The following TNKS variants were observed in gnomAD, a reference collection of about 807,000 sequenced individuals.
TNKS encodes poly [ADP-ribose] polymerase tankyrase-1.
TNKS carries 72 observed loss-of-function variants against 135.8 expected under a neutral mutation model. That is an observed-to-expected ratio of 0.53 (90% CI 0.44 to 0.64). TNKS has a LOEUF of 0.64. Ranked by LOEUF, TNKS falls within the 30% of genes least tolerant of loss-of-function variation. The pLI, the probability that TNKS is intolerant of heterozygous loss-of-function variation, is 0.00. For synonymous variants in TNKS, 849 were observed against 649.3 expected (o/e 1.31, Z -4.68); for missense variants, 1,769 against 1,674.0 (o/e 1.06, Z -0.99).
intron 9 of TNKS, among the ~76,000 whole-genome samples, 163 bp from the exon 10 acceptor site, chr8:9,709,792 A>G (rs1804230635): frequency 6.6e-6 from 1 of 152,248 alleles, no homozygotes; most frequent in South Asian, 2.1e-4. Flanking sequence ...TTTCCACTAT[A>G]CGTAGAAAGA....
In TNKS at chr8:9,752,407, G is replaced by T. The variant is rs114548044; in HGVS notation, c.3071-137G>T. 1.2e-3 allele frequency: 735 copies of T among 596,466 alleles called. 5 individuals are homozygous for T. Among genetic ancestry groups the T allele is most frequent in the African/African-American group, 0.01 (556 of 53,144 alleles). 36.9% of individuals were successfully genotyped at this position (596,466 alleles called of 1,614,324 possible). On this transcript the variant is annotated intron_variant, in intron 19 of 26. Coordinates refer to ENST00000310430, the MANE Select transcript of TNKS (RefSeq NM_003747.3). Reference sequence around the variant, plus strand: ...GAAATAAAGTGTCTAAATTAAATCTGTGTATTCTGTATTATTTTATGCCAT... The same window carrying T: ...GAAATAAAGTGTCTAAATTAAATCTTTGTATTCTGTATTATTTTATGCCAT...
Position 9,615,157 on chromosome 8 carries a change from T to G in TNKS, c.899-425T>G, listed in dbSNP as rs533309409. Reference sequence around the variant, plus strand: ...AAGGCTTGCACAGTATTATAACTATTCTGAGGAGAGGAGGCATTTGGAAAT... The same window carrying G: ...AAGGCTTGCACAGTATTATAACTATGCTGAGGAGAGGAGGCATTTGGAAAT... On this transcript the variant is annotated intron_variant, in intron 2 of 26. Transcript: ENST00000310430. The G allele has an allele frequency of 8.3e-4, 132 of 159,618 alleles. 1 individual carries two copies. In the Middle Eastern group the frequency reaches 0.028, roughly 34 times the overall value. The allele number at this position is 159,618 out of a possible 1,614,324, so 9.9% of individuals were successfully genotyped here.
chr8:9,623,430 C>G (rs1799939563), intron 3 of TNKS, among the ~76,000 whole-genome samples: 1 of 40,166 alleles, frequency 2.5e-5, no homozygotes, highest in Non-Finnish European at 5.0e-5. Context: ...TAAAGTGAAA[C>G]ACACTTTTTT....
intron 5 of TNKS, among the ~76,000 whole-genome samples, chr8:9,700,562 A>G (rs1803746448): frequency 6.6e-6 from 1 of 151,752 alleles, no homozygotes; most frequent in African/African-American, 2.4e-5. Context: ...CAGTAAACCC[A>G]GACCTCACAT....
intron 3 of TNKS, among the ~76,000 whole-genome samples, chr8:9,654,181 A>G (rs1801255478): frequency 6.6e-6 from 1 of 152,224 alleles, no homozygotes; most frequent in Non-Finnish European, 1.5e-5. Context: ...TGGGAACTGC[A>G]CCAGAATCAC....
At chr8:9,704,807 C>T (rs1188041890) in intron 6 of TNKS, 50 bp downstream of exon 6, 1 of 1,458,532 alleles carries the variant, frequency 6.9e-7, no homozygotes, top group African/African-American at 1.4e-5. Context: ...TTGTCTGATA[C>T]TCTAAACTTT....
At chr8:9,644,675 C>G (rs1167961258) in intron 3 of TNKS, among the ~76,000 whole-genome samples, 1 of 152,112 alleles carries the variant, frequency 6.6e-6, no homozygotes, top group Non-Finnish European at 1.5e-5. Flanking sequence ...CACAACAGCA[C>G]CTTCAGGAGC....
intron 1 of TNKS, among the ~76,000 whole-genome samples, chr8:9,569,015 T>C (rs748790804): frequency 6.6e-6 from 1 of 152,224 alleles, no homozygotes; most frequent in Non-Finnish European, 1.5e-5. Flanking sequence ...TTGACACATT[T>C]TACTTTGTAA....
At chr8:9,676,349 T>G (rs1374969499) in intron 3 of TNKS, among the ~76,000 whole-genome samples, 2 of 152,134 alleles carry the variant, frequency 1.3e-5, no homozygotes, top group Non-Finnish European at 2.9e-5. Flanking sequence ...CTTTAAGAAT[T>G]TGTGGTTCTA....
At chr8:9,770,780 G>A (rs1377680834) in intron 26 of TNKS, among the ~76,000 whole-genome samples, 1 of 152,188 alleles carries the variant, frequency 6.6e-6, no homozygotes, top group Non-Finnish European at 1.5e-5. Flanking sequence ...CATGGGCAGG[G>A]TAGGGAATGC....
At chr8:9,663,262 A>C (rs557176199) in intron 3 of TNKS, among the ~76,000 whole-genome samples, 1 of 152,366 alleles carries the variant, frequency 6.6e-6, no homozygotes, top group East Asian at 1.9e-4. Context: ...ATTGTGTTAC[A>C]ATAACAATAG....
intron 11 of TNKS, among the ~76,000 whole-genome samples, chr8:9,717,056 T>C: frequency 7.7e-6 from 1 of 129,208 alleles, no homozygotes; most frequent in South Asian, 2.6e-4. Flanking sequence ...CCACCAAAGA[T>C]AATCTGTTGT....
intron 3 of TNKS, among the ~76,000 whole-genome samples, chr8:9,655,505 C>G (rs1172913829): frequency 6.6e-6 from 1 of 152,218 alleles, no homozygotes; most frequent in Non-Finnish European, 1.5e-5. Flanking sequence ...TAGGGGCGCA[C>G]TGACACTTCA....
rs1442773541 is a variant in TNKS at position 9,740,866 on chromosome 8, G to A, written c.2643+5380G>A. On this transcript the variant is annotated intron_variant, in intron 17 of 26. Coordinates refer to ENST00000310430, the MANE Select transcript of TNKS (RefSeq NM_003747.3). The stretch of plus-strand genomic sequence containing the variant: ...TTTTTTGAGAACAGGTCGGACTGCA[G>A]TGGCGCTATCTCAGCTCACTGCAAG... 1.3e-4 allele frequency: 16 copies of A among 122,128 alleles called. No homozygotes were observed. In the Admixed American group the frequency reaches 1.9e-3, roughly 14 times the overall value. 7.6% of individuals were successfully genotyped at this position (122,128 alleles called of 1,614,324 possible).
chr8:9,646,041 A>AGT, intron 3 of TNKS, among the ~76,000 whole-genome samples: 1 of 152,274 alleles, frequency 6.6e-6, no homozygotes, highest in South Asian at 2.1e-4. Context: ...CTAGACTAGT[A>AGT]GTATATTATA....
Position 9,603,391 on chromosome 8 carries a change from A to C in TNKS, c.899-12191A>C, listed in dbSNP as rs745896993. ...TTTTAAAATGCAACTAAAAATTCAG[A>C]TTATCAGTTTCTCTAGTCACGTTTC... On this transcript the variant is annotated intron_variant, in intron 2 of 26. Transcript: ENST00000310430. Among the ~76,000 whole-genome samples the C allele has an allele frequency of 3.3e-4, 50 of 152,346 alleles. 1 individual carries two copies. The highest frequency in any genetic ancestry group is 3.4e-3 in the Middle Eastern group (1 of 292).
chr8:9,642,372 C>T (rs1004642435), intron 3 of TNKS, among the ~76,000 whole-genome samples: 1 of 146,264 alleles, frequency 6.8e-6, no homozygotes, highest in African/African-American at 2.5e-5. Flanking sequence ...TTTACATAGT[C>T]ACAAATTAGA....
intron 3 of TNKS, among the ~76,000 whole-genome samples, chr8:9,658,689 T>G (rs1801543900): frequency 1.3e-5 from 2 of 152,118 alleles, no homozygotes; most frequent in African/African-American, 4.8e-5. Flanking sequence ...ATGAGCAAAA[T>G]AACTAGCTAA....
chr8:9,688,050 C>A (rs1563167858), intron 5 of TNKS, among the ~76,000 whole-genome samples: 1 of 152,108 alleles, frequency 6.6e-6, no homozygotes, highest in Non-Finnish European at 1.5e-5. Flanking sequence ...GTGGTATTGC[C>A]GATGTCCCAT....
Sources: gnomAD v4.1 joint callset for allele counts (sites outside exome capture counted in the v4.1 genomes callset) on GRCh38, gnomAD v4.1.1 for gene constraint, MANE v1.5 for transcripts, NCBI Gene and HGNC (gene_info 2026-07-23, HGNC 2026-07-21) for gene names.